Variants in CCDC92 observed in about 807,000 individuals in gnomAD.
CCDC92 encodes the protein coiled-coil domain-containing protein 92.
In CCDC92, 12 loss-of-function variants were observed where a neutral mutation model predicts 24.9. The ratio of observed to expected loss-of-function variants is 0.48; its 90% CI spans 0.31 to 0.78. CCDC92 has a LOEUF of 0.78. Among genes scored for constraint, CCDC92 ranks in the 30% least tolerant of loss-of-function variants. The pLI is 0.05. For synonymous variants in CCDC92, 193 were observed against 196.3 expected (o/e 0.98, Z 0.14); for missense variants, 399 against 439.4 (o/e 0.91, Z 0.82).
chr12:123,952,157 C>T (rs1230081097), intron 1 of CCDC92, among the ~76,000 whole-genome samples: 1 of 152,156 alleles, frequency 6.6e-6, no homozygotes, highest in Non-Finnish European at 1.5e-5. Flanking sequence ...TGAATGTTAG[C>T]TATATTATTT....
chr12:123,940,351 T>A (rs1006766534), intron 4 of CCDC92, among the ~76,000 whole-genome samples: 2 of 152,198 alleles, frequency 1.3e-5, no homozygotes, highest in Non-Finnish European at 2.9e-5. Flanking sequence ...GAGAAGCTCC[T>A]CCTGGATAGA....
chr12:123,965,980 T>C (rs1408087217), intron 1 of CCDC92: 1 of 152,226 alleles, frequency 6.6e-6, no homozygotes, highest in East Asian at 1.9e-4. Flanking sequence ...ATTAGTTTTA[T>C]TCAAATGAGA....
At chr12:123,953,266 T>C (rs1271773819) in intron 1 of CCDC92, among the ~76,000 whole-genome samples, 4 of 151,422 alleles carry the variant, frequency 2.6e-5, no homozygotes, top group Admixed American at 6.6e-5. Flanking sequence ...AAAAAAGTCA[T>C]TTTTTGCAAG....
In CCDC92 at chr12:123,941,434, G is replaced by A. The variant is rs1047715729; in HGVS notation, c.223+1310C>T. On this transcript the variant is annotated intron_variant, in intron 4 of 4. Transcript: ENST00000238156. Reference sequence around the variant, plus strand: ...CTCAGGAGGCTGTAATATGAGCAATGCAAATGGAAAAAAATCAGTGCTCGG... The same window carrying A: ...CTCAGGAGGCTGTAATATGAGCAATACAAATGGAAAAAAATCAGTGCTCGG... 4.6e-5 allele frequency among the ~76,000 whole-genome samples: 7 copies of A among 152,142 alleles called. No homozygotes were observed. The East Asian group carries it at 1.3e-3, about 29-fold the overall frequency.
chr12:123,956,396 T>A (rs1956150941), intron 1 of CCDC92: 1 of 152,190 alleles, frequency 6.6e-6, no homozygotes. Flanking sequence ...ATCTGAGAGC[T>A]CCAGCGTGGA....
Position 123,937,174 on chromosome 12 carries a change from G to C in CCDC92, c.880C>G (p.Arg294Gly), listed in dbSNP as rs1016337164. Residue 294 changes from arginine (R) to glycine (G), a missense_variant, in exon 5 of 5, where the codon CGG (arginine) becomes GGG (glycine). By Grantham distance (125) the Arg-to-Gly change is moderately radical. Transcript: ENST00000238156. This position sits in a 1 kb window ranked among gnomAD's most constrained non-coding sequence, Gnocchi z 8.4. ...PHKAHVGVAH[R>G]IHHATPPQAQ... ...TGCGGCGGGGTGGCGTGGTGGATCC[G>C]ATGTGCCACCCCGACGTGGGCCTTG... The C allele has an allele frequency of 6.2e-7, 1 of 1,610,238 alleles. No individual in the cohort carries two copies. Among genetic ancestry groups the C allele is most frequent in the South Asian group, 1.1e-5 (1 of 91,018 alleles).
intron 1 of CCDC92, among the ~76,000 whole-genome samples, chr12:123,958,280 C>T (rs1335278650): frequency 2.0e-5 from 3 of 151,728 alleles, no homozygotes; most frequent in South Asian, 2.1e-4. Context: ...TTCAAACTCC[C>T]GACCTCAGGT....
chr12:123,952,956 T>C (rs983626698), intron 1 of CCDC92, among the ~76,000 whole-genome samples: 22 of 152,128 alleles, frequency 1.4e-4, no homozygotes, highest in African/African-American at 5.3e-4. Context: ...CATATCCGAG[T>C]TGCAACCTCT....
In CCDC92 at chr12:123,937,939, G is replaced by A. The variant is rs578024122; in HGVS notation, c.224-109C>T. On this transcript the variant is annotated intron_variant, in intron 4 of 4. Coordinates refer to ENST00000238156, the MANE Select transcript of CCDC92 (RefSeq NM_025140.3). This position sits in a 1 kb window ranked among gnomAD's most constrained non-coding sequence, Gnocchi z 8.4. Reference sequence around the variant, plus strand: ...CTGGTGGGGGCCCTGTCTAGGCTGTGGGGGCCATGCAGAAGGCAGGGCTGT... The same window carrying A: ...CTGGTGGGGGCCCTGTCTAGGCTGTAGGGGCCATGCAGAAGGCAGGGCTGT... 5.2e-6 allele frequency: 6 copies of A among 1,146,102 alleles called. No homozygotes were observed. In the Admixed American group the frequency reaches 1.2e-4, roughly 22 times the overall value. 71.0% of individuals were successfully genotyped at this position (1,146,102 alleles called of 1,614,324 possible). A position where few individuals can be genotyped will look rare whatever the true frequency, so the allele number is the denominator to read the frequency against.
At chr12:123,968,102 T>G (rs1461693336) in intron 1 of CCDC92, 1 of 152,286 alleles carries the variant, frequency 6.6e-6, no homozygotes, top group Non-Finnish European at 1.5e-5. Flanking sequence ...TACTCAGGCT[T>G]GCTCTATTTG....
intron 1 of CCDC92, chr12:123,962,808 G>C (rs1452078394): frequency 1.3e-5 from 2 of 152,108 alleles, no homozygotes; most frequent in Non-Finnish European, 2.9e-5. Flanking sequence ...TTTTCCCTCA[G>C]AGAATCTACA....
chr12:123,952,668 A>T (rs7961449), intron 1 of CCDC92, among the ~76,000 whole-genome samples: 87,678 of 152,090 alleles, frequency 0.58, 27,556 homozygotes, highest in East Asian at 0.91. Context: ...GTGAGCTGAA[A>T]ATCTCTAAAA....
chr12:123,959,433 T>C (rs1025119942), intron 1 of CCDC92, among the ~76,000 whole-genome samples: 10 of 152,004 alleles, frequency 6.6e-5, no homozygotes, highest in Non-Finnish European at 1.3e-4. Flanking sequence ...GTCTCCTGAG[T>C]AGCTGGGACT....
At chr12:123,960,964 T>A (rs113935470) in intron 1 of CCDC92, 1 of 152,248 alleles carries the variant, frequency 6.6e-6, no homozygotes, top group African/African-American at 2.4e-5. Flanking sequence ...CTTTTAAATA[T>A]GCATCTGGAG....
rs1955466931 is a variant in CCDC92 at position 123,935,734 on chromosome 12, T to C, written c.*1324A>G. On this transcript the variant is annotated 3_prime_UTR_variant, in exon 5 of 5. Transcript: ENST00000238156. ...AGAGTATTTTAAGATGTGTGGAGTT[T>C]TCTTTTCCTTCTCAGAGAAAACACT... The C allele has an allele frequency of 2.7e-6, 1 of 371,218 alleles. No homozygotes were observed. The highest frequency in any genetic ancestry group is 4.2e-5 in the Admixed American group (1 of 23,652). The allele number at this position is 371,218 out of a possible 1,614,324, so 23.0% of individuals were successfully genotyped here. A position where few individuals can be genotyped will look rare whatever the true frequency, so the allele number is the denominator to read the frequency against.
intron 1 of CCDC92, among the ~76,000 whole-genome samples, chr12:123,962,000 G>A (rs534387731): frequency 1.8e-3 from 280 of 152,172 alleles, no homozygotes; most frequent in African/African-American, 6.4e-3. Flanking sequence ...TGCATATCCC[G>A]CACAGCCTGA....
At chr12:123,947,050 G>A (rs1955891419) in intron 1 of CCDC92, among the ~76,000 whole-genome samples, 1 of 152,162 alleles carries the variant, frequency 6.6e-6, no homozygotes, top group African/African-American at 2.4e-5. Flanking sequence ...AGCAGCCAGC[G>A]GGCCGGCCCT....
At chr12:123,948,448 G>A (rs936264507) in intron 1 of CCDC92, among the ~76,000 whole-genome samples, 15 of 152,318 alleles carry the variant, frequency 9.8e-5, no homozygotes, top group African/African-American at 2.6e-4. Context: ...ATACAAAAGC[G>A]TCCTTAAAGC....
chr12:123,970,904 A>C (rs548866629), intron 1 of CCDC92, among the ~76,000 whole-genome samples: 3 of 152,388 alleles, frequency 2.0e-5, no homozygotes, highest in African/African-American at 7.2e-5. Context: ...TTAGGTAATT[A>C]TGTTGAGATC....
Sources: gnomAD v4.1 joint callset for allele counts (sites outside exome capture counted in the v4.1 genomes callset) on GRCh38, gnomAD v4.1.1 for gene constraint, Gnocchi (gnomAD v3.1) non-coding constraint, MANE v1.5 for transcripts, NCBI Gene and HGNC (gene_info 2026-07-23, HGNC 2026-07-21) for gene names.